CRACR2A: variants seen among roughly 807,000 people sequenced by gnomAD.
CRACR2A encodes calcium release activated channel regulator 2A, also known as EF-hand calcium-binding domain-containing protein 4B.
Under a neutral mutation model 90.5 loss-of-function variants are expected in CRACR2A, and 79 were observed. The ratio of observed to expected loss-of-function variants is 0.87; its 90% CI spans 0.73 to 1.05. The LOEUF is 1.05. Among genes scored for constraint, CRACR2A ranks in the 50% least tolerant of loss-of-function variants. The pLI is 0.00. For synonymous variants in CRACR2A, 338 were observed against 356.7 expected (o/e 0.95, Z 0.59); for missense variants, 823 against 897.2 (o/e 0.92, Z 1.06).
chr12:3,659,472 A>G (rs1309993475), intron 8 of CRACR2A, 92 bp downstream of exon 8: 20 of 1,078,468 alleles, frequency 1.9e-5, no homozygotes, highest in Non-Finnish European at 2.8e-5. Flanking sequence ...TCAATAGTGC[A>G]TGGATGGGGG....
intron 17 of CRACR2A, among the ~76,000 whole-genome samples, chr12:3,621,573 C>A (rs1944135085): frequency 7.3e-6 from 1 of 136,174 alleles, no homozygotes; most frequent in Admixed American, 8.1e-5. Context: ...ATTGCTTCAA[C>A]CTGGGAGGCG....
intron 17 of CRACR2A, among the ~76,000 whole-genome samples, chr12:3,626,084 G>T (rs1289992220): frequency 2.6e-5 from 4 of 152,240 alleles, no homozygotes; most frequent in Non-Finnish European, 1.5e-5. Context: ...GTCAGGCACA[G>T]TAATTTTGAG....
intron 15 of CRACR2A, among the ~76,000 whole-genome samples, chr12:3,628,529 G>A (rs991297579): frequency 2.6e-5 from 4 of 152,234 alleles, no homozygotes; most frequent in Admixed American, 1.3e-4. Context: ...CCCTACCTGG[G>A]GTCCTCAACC....
intron 18 of CRACR2A, among the ~76,000 whole-genome samples, chr12:3,617,614 T>C (rs184771197): frequency 6.6e-6 from 1 of 152,364 alleles, no homozygotes; most frequent in Admixed American, 6.5e-5. Flanking sequence ...TCAGCACTGG[T>C]GCACCAGACT....
chr12:3,745,500 G>A (rs1946597997), intron 1 of CRACR2A, among the ~76,000 whole-genome samples: 1 of 152,084 alleles, frequency 6.6e-6, no homozygotes, highest in South Asian at 2.1e-4. Flanking sequence ...TAGGCCAGGT[G>A]CAGTGGCTCA....
chr12:3,752,357 GACACACACACACAGACACAC>G (rs1393143793), intron 1 of CRACR2A, among the ~76,000 whole-genome samples: 186 of 23,910 alleles, frequency 7.8e-3, no homozygotes, highest in Non-Finnish European at 0.022. Flanking sequence ...CACACACACG[GACACACACACACAGACACAC>G]ACACACACGG....
chr12:3,684,126 A>G (rs1333460296), intron 4 of CRACR2A, among the ~76,000 whole-genome samples: 2 of 152,194 alleles, frequency 1.3e-5, no homozygotes, highest in African/African-American at 4.8e-5. Flanking sequence ...ACATGCTTCC[A>G]TGACATTTTT....
At chr12:3,689,026 G>A (rs1373252122) in intron 4 of CRACR2A, among the ~76,000 whole-genome samples, 1 of 152,138 alleles carries the variant, frequency 6.6e-6, no homozygotes, top group Admixed American at 6.5e-5. Context: ...GTATAGGAAT[G>A]CTAATGATTT....
chr12:3,698,217 T>G (rs1200966288), intron 3 of CRACR2A, among the ~76,000 whole-genome samples: 1 of 152,208 alleles, frequency 6.6e-6, no homozygotes, highest in Non-Finnish European at 1.5e-5. Flanking sequence ...GGAAGTAGAA[T>G]AGGTCCACAT....
rs10848893 is a variant in CRACR2A at position 3,627,568 on chromosome 12, C to T, written c.1818-18G>A. ...ACCGGTACCTGCCACAGAAGGGCCA[C>T]GGGTCAGGCATGCACGGCCTTCCCT... On this transcript the variant is annotated intron_variant, in intron 16 of 19. Transcript: ENST00000440314. 407,773 of 1,551,238 alleles carry T rather than the reference C, an allele frequency of 0.26. 56,061 individuals carry two copies. Among genetic ancestry groups the T allele is most frequent in the African/African-American group, 0.42 (30,827 of 73,060 alleles).
intron 1 of CRACR2A, among the ~76,000 whole-genome samples, chr12:3,739,560 T>C (rs1310375509): frequency 6.6e-6 from 1 of 152,254 alleles, no homozygotes; most frequent in African/African-American, 2.4e-5. Flanking sequence ...TGTACAAATA[T>C]GAACTCGTGT....
intron 5 of CRACR2A, 55 bp downstream of exon 5, chr12:3,680,183 T>A: frequency 7.0e-7 from 1 of 1,427,158 alleles, no homozygotes; most frequent in Non-Finnish European, 9.9e-7. Context: ...ATGCACCTTA[T>A]ACAGTGTTAG....
At chr12:3,632,414 C>G (rs1944391006) in intron 15 of CRACR2A, among the ~76,000 whole-genome samples, 1 of 152,180 alleles carries the variant, frequency 6.6e-6, no homozygotes, top group South Asian at 2.1e-4. Flanking sequence ...CCCTAAGAGG[C>G]ACCACATCCT....
chr12:3,623,351 T>C (rs1283496471), intron 17 of CRACR2A, among the ~76,000 whole-genome samples: 6 of 152,152 alleles, frequency 3.9e-5, no homozygotes, highest in Admixed American at 3.9e-4. Flanking sequence ...CTTCCTCGAC[T>C]CACATGCCCA....
At chr12:3,660,791 C>G (rs934579077) in intron 7 of CRACR2A, among the ~76,000 whole-genome samples, 1 of 149,986 alleles carries the variant, frequency 6.7e-6, no homozygotes, top group South Asian at 2.1e-4. Flanking sequence ...GCTCTGTGAA[C>G]AGGCTAATGT....
intron 2 of CRACR2A, among the ~76,000 whole-genome samples, chr12:3,720,281 GAAAGAAAGAAAGAA>G (rs1341277189): frequency 6.1e-5 from 8 of 130,908 alleles, no homozygotes; most frequent in Non-Finnish European, 9.6e-5. Context: ...AAGAGAGAGA[GAAAGAAAGAAAGAA>G]AAAGAAAGAA....
chr12:3,673,512 G>C lies in CRACR2A; in HGVS notation c.605C>G (p.Thr202Ser), dbSNP rs761316007. 1.9e-6 allele frequency: 3 copies of C among 1,614,056 alleles called. No homozygotes were observed. The highest frequency in any genetic ancestry group is 1.7e-6 in the Non-Finnish European group (2 of 1,180,044). ...HLLSNFEDFLTRIISQLQEAH... is the reference protein window; with the variant it reads ...HLLSNFEDFLSRIISQLQEAH... ...TTCTTGGAGCTGGGAGATGATTCTG[G>C]TCAGGAAGTCTTCAAAGTTGGACAG... Residue 202 changes from threonine (T) to serine (S), a missense_variant, in exon 7 of 20, where the codon ACC becomes AGC. Thr to Ser is a moderately conservative substitution (Grantham distance 58). Coordinates refer to ENST00000440314, the MANE Select transcript of CRACR2A (RefSeq NM_001144958.2).
chr12:3,627,504 T>C lies in CRACR2A; in HGVS notation c.1864A>G (p.Ile622Val). 5.2e-6 allele frequency: 8 copies of C among 1,551,824 alleles called. No homozygotes were observed. Among genetic ancestry groups the C allele is most frequent in the Non-Finnish European group, 4.4e-6 (5 of 1,147,038 alleles). Residue 622 changes from isoleucine to valine, a missense_variant, in exon 17 of 20, where the codon ATC (isoleucine) becomes GTC (valine). Ile to Val is a conservative substitution (Grantham distance 29). Transcript: ENST00000440314. ...TTGTCTGTGAGATCGTACATGACGA[T>C]GACACCATCTGCCTTTCTGAAGAAC... ...QQFFRKADGV[I>V]VMYDLTDKQS...
intron 7 of CRACR2A, among the ~76,000 whole-genome samples, chr12:3,668,614 T>C (rs1477625037): frequency 1.3e-5 from 2 of 152,140 alleles, no homozygotes; most frequent in African/African-American, 2.4e-5. Context: ...CATGATGACA[T>C]CTCTTCCCTG....
Sources: allele counts gnomAD v4.1 joint callset (sites outside exome capture counted in the v4.1 genomes callset), GRCh38; gene constraint gnomAD v4.1.1; transcripts MANE v1.5; gene names NCBI Gene and HGNC (gene_info 2026-07-23, HGNC 2026-07-21).